ATAD5: variants seen among roughly 807,000 people sequenced by gnomAD.
The protein encoded by ATAD5 is ATPase family AAA domain-containing protein 5.
A neutral mutation model predicts 176.9 loss-of-function variants in ATAD5; 58 were observed. The observed-to-expected ratio is 0.33, with a 90% confidence interval of 0.27 to 0.41. The LOEUF is 0.41. Among genes scored for constraint, ATAD5 ranks in the 10% least tolerant of loss-of-function variants. ATAD5 has a pLI of 1.00. For missense variants in ATAD5, 1,789 were observed against 2,094.1 expected (o/e 0.85, Z 2.84); for synonymous variants, 640 against 712.6 (o/e 0.90, Z 1.62).
At chr17:30,867,970 T>TC (rs58707595) in intron 11 of ATAD5, among the ~76,000 whole-genome samples, 152,305 of 152,306 alleles carry the variant, frequency 1, 76,152 homozygotes, top group Middle Eastern at 1. Context: ...AATGTATTTT[T>TC]CCCAATGGTG....
rs556908972 is a variant in ATAD5 at position 30,895,243 on chromosome 17, A to G, written c.*330A>G. 3.1e-4 allele frequency: 52 copies of G among 170,116 alleles called. No individual in the cohort carries two copies. Among genetic ancestry groups the G allele is most frequent in the African/African-American group, 1.2e-3 (49 of 42,190 alleles). 10.5% of individuals were successfully genotyped at this position (170,116 alleles called of 1,614,324 possible). On this transcript the variant is annotated 3_prime_UTR_variant, in exon 23 of 23. Transcript: ENST00000321990. ...TATATTATATATTAGCTTAATATTC[A>G]GATACATTATCTTGGCTGCTAACAT...
At chr17:30,890,040 AC>A (rs1197497974) in intron 19 of ATAD5, among the ~76,000 whole-genome samples, 1 of 151,454 alleles carries the variant, frequency 6.6e-6, no homozygotes, top group Non-Finnish European at 1.5e-5. Flanking sequence ...ACAGGCGTGC[AC>A]CACCACAGCT....
At chr17:30,871,516 GTTTTTGTA>G (rs1908334040) in intron 14 of ATAD5, among the ~76,000 whole-genome samples, 1 of 151,152 alleles carries the variant, frequency 6.6e-6, no homozygotes, top group Non-Finnish European at 1.5e-5. Flanking sequence ...CCCAGCTAAT[GTTTTTGTA>G]TTTTTAATAG....
chr17:30,844,282 C>T (rs1197663887), intron 5 of ATAD5, among the ~76,000 whole-genome samples: 1 of 152,020 alleles, frequency 6.6e-6, no homozygotes, highest in Non-Finnish European at 1.5e-5. Context: ...CAGGCACCCA[C>T]CACCATGCCC....
chr17:30,840,543 A>G, intron 3 of ATAD5, 74 bp from the exon 4 acceptor site: 1 of 1,061,716 alleles, frequency 9.4e-7, no homozygotes, highest in Non-Finnish European at 1.3e-6. Context: ...GTGATTTGTG[A>G]TTGTATTTTT....
intron 18 of ATAD5, among the ~76,000 whole-genome samples, chr17:30,880,890 G>C (rs1908972339): frequency 1.3e-5 from 2 of 151,814 alleles, no homozygotes. Context: ...AAAAATCAGT[G>C]TCATCATTAT....
intron 10 of ATAD5, among the ~76,000 whole-genome samples, chr17:30,863,226 A>G (rs950398605): frequency 6.6e-6 from 1 of 152,086 alleles, no homozygotes; most frequent in African/African-American, 2.4e-5. Flanking sequence ...CTCTGGTCAT[A>G]GTCAAAATGC....
intron 4 of ATAD5, among the ~76,000 whole-genome samples, chr17:30,842,857 C>G (rs1383045071): frequency 1.3e-5 from 2 of 152,120 alleles, no homozygotes; most frequent in Non-Finnish European, 2.9e-5. Context: ...GATTCTCCTG[C>G]CTCAGCCTCT....
intron 17 of ATAD5, 137 bp downstream of exon 17, chr17:30,878,233 G>T (rs969489075): frequency 3.3e-6 from 2 of 605,924 alleles, no homozygotes; most frequent in Non-Finnish European, 5.9e-6. Context: ...ACTATGTTGG[G>T]TATTAGATAT....
Position 30,891,792 on chromosome 17 carries a change from TCTC to T in ATAD5, c.4259-812_4259-810del, listed in dbSNP as rs549260703. Among the ~76,000 whole-genome samples, 5 of 152,210 alleles carry T rather than the reference TCTC, an allele frequency of 3.3e-5. No homozygotes were observed. In the East Asian group the frequency reaches 7.8e-4, roughly 24 times the overall value. On this transcript the variant is annotated intron_variant, in intron 19 of 22. Transcript: ENST00000321990. ...CCTCCGCCTCCCAGGTTCAAGCTAT[TCTC>T]CTGCTTCAGCCTCCCTAATAGCGGG... is the stretch of plus-strand genomic sequence containing the variant.
intron 18 of ATAD5, among the ~76,000 whole-genome samples, chr17:30,885,623 CTTTTTTTTTTT>C (rs778733612): frequency 3.5e-4 from 33 of 93,814 alleles, no homozygotes; most frequent in African/African-American, 5.2e-4. Context: ...TTCCAACTTT[CTTTTTTTTTTT>C]TTTTTTTTTT....
chr17:30,841,826 C>T (rs1047308501), intron 4 of ATAD5, among the ~76,000 whole-genome samples: 11 of 152,074 alleles, frequency 7.2e-5, no homozygotes, highest in Non-Finnish European at 1.3e-4. Flanking sequence ...TTTCTGTTGC[C>T]AAATATCCCA....
chr17:30,860,292 G>C, intron 9 of ATAD5, 141 bp from the exon 10 acceptor site: 1 of 913,840 alleles, frequency 1.1e-6, no homozygotes, highest in South Asian at 1.9e-5. Context: ...CCAAAGTTCT[G>C]GGATTAGAGG....
At chr17:30,844,546 T>C (rs1906351223) in intron 5 of ATAD5, among the ~76,000 whole-genome samples, 1 of 108,152 alleles carries the variant, frequency 9.2e-6, no homozygotes, top group South Asian at 2.6e-4. Context: ...TAGTGAAGAG[T>C]TTTTCTTTTT....
chr17:30,867,268 C>T (rs894911102), intron 11 of ATAD5, among the ~76,000 whole-genome samples: 1 of 151,966 alleles, frequency 6.6e-6, no homozygotes, highest in African/African-American at 2.4e-5. Flanking sequence ...GGAATGATGG[C>T]GCCCACTTGG....
chr17:30,858,569 AG>A (rs1238424411), intron 9 of ATAD5, among the ~76,000 whole-genome samples: 4 of 151,726 alleles, frequency 2.6e-5, no homozygotes, highest in African/African-American at 9.7e-5. Context: ...TATTTTTAGT[AG>A]AGATGGGGTT....
Position 30,894,733 on chromosome 17 carries a change from T to C in ATAD5, c.5456+11T>C, listed in dbSNP as rs1228035611. On this transcript the variant is annotated intron_variant, in intron 22 of 22. Transcript: ENST00000321990. ...AAAAAGTAAAAGAAGGTAAAGGCTT[T>C]ATTAAAAACAACATTTTAGATAGCT... 1 of 1,588,914 alleles carries C rather than the reference T, an allele frequency of 6.3e-7. No individual in the cohort carries two copies.
intron 18 of ATAD5, among the ~76,000 whole-genome samples, chr17:30,880,469 G>A (rs560290296): frequency 1.5e-4 from 23 of 152,094 alleles, no homozygotes; most frequent in Admixed American, 1.1e-3. Context: ...TTAGCTGGGC[G>A]TGGTGGCGCA....
intron 10 of ATAD5, among the ~76,000 whole-genome samples, chr17:30,865,451 C>T (rs1231576432): frequency 2.0e-5 from 3 of 152,066 alleles, no homozygotes; most frequent in Admixed American, 6.6e-5. Context: ...GGATTACAGG[C>T]GTGAACCACC....
Sources: gnomAD v4.1 joint callset for allele counts (sites outside exome capture counted in the v4.1 genomes callset) on GRCh38, gnomAD v4.1.1 for gene constraint, MANE v1.5 for transcripts, NCBI Gene and HGNC (gene_info 2026-07-23, HGNC 2026-07-21) for gene names.